Variants in RUFY2 observed in about 807,000 individuals in gnomAD.
RUFY2 encodes the protein RUN and FYVE domain-containing protein 2.
In RUFY2, 49 loss-of-function variants were observed where a neutral mutation model predicts 94.4. That is an observed-to-expected ratio of 0.52 (90% CI 0.41 to 0.66). The LOEUF (loss-of-function observed/expected upper bound fraction) is 0.66. RUFY2 is among the 30% of genes least tolerant of loss of function. RUFY2 has a pLI of 0.00. For synonymous variants in RUFY2, 255 were observed against 235.7 expected, an observed-to-expected ratio of 1.08 and a Z score of -0.75; for missense variants, 541 against 692.8, an observed-to-expected ratio of 0.78 and a Z score of 2.46.
chr10:68,402,838 T>C (rs2050953513), intron 2 of RUFY2, among the ~76,000 whole-genome samples: 2 of 140,566 alleles, frequency 1.4e-5, no homozygotes, highest in South Asian at 2.2e-4. Flanking sequence ...CCAAGCCATA[T>C]CTTTTTTTTT....
chr10:68,386,904 T>C (rs548014295), intron 7 of RUFY2, among the ~76,000 whole-genome samples: 5 of 152,180 alleles, frequency 3.3e-5, no homozygotes, highest in East Asian at 1.9e-4. Flanking sequence ...GTTTGAGAAA[T>C]ATGAAGATGA....
intron 2 of RUFY2, among the ~76,000 whole-genome samples, chr10:68,403,041 T>A (rs1344857363): frequency 6.6e-6 from 1 of 151,350 alleles, no homozygotes; most frequent in Non-Finnish European, 1.5e-5. Flanking sequence ...AGATGGGGTT[T>A]CACTATGCTG....
chr10:68,386,257 G>A, intron 7 of RUFY2, 129 bp from the exon 8 acceptor site: 1 of 584,606 alleles, frequency 1.7e-6, no homozygotes, highest in Non-Finnish European at 2.9e-6. Context: ...TTCTGAGTGT[G>A]GAAAATTTCA....
chr10:68,351,886 A>C (rs962859871), intron 16 of RUFY2, among the ~76,000 whole-genome samples: 5 of 151,426 alleles, frequency 3.3e-5, no homozygotes, highest in East Asian at 2.0e-4. Flanking sequence ...GTGAAACCCT[A>C]TCTCTACTAA....
At chr10:68,376,786 A>G (rs1228980238) in intron 13 of RUFY2, 67 bp downstream of exon 13, 2 of 1,445,490 alleles carry the variant, frequency 1.4e-6, no homozygotes, top group Non-Finnish European at 1.9e-6. Context: ...GTATTCTATC[A>G]TTATGTGCAA....
intron 1 of RUFY2, chr10:68,405,677 G>A: frequency 1.0e-6 from 1 of 978,578 alleles, no homozygotes; most frequent in Non-Finnish European, 1.2e-6. Flanking sequence ...CTGACAAGGG[G>A]ACACAGAAGA....
intron 11 of RUFY2, 50 bp from the exon 12 acceptor site, chr10:68,379,571 TTGTG>T (rs373005572): frequency 6.8e-5 from 82 of 1,207,564 alleles, no homozygotes; most frequent in South Asian, 4.4e-4. Flanking sequence ...GTGTGTGTGT[TTGTG>T]TGTGTGTGTG....
In RUFY2 at chr10:68,394,067, A is replaced by T. The variant is rs746488108; in HGVS notation, c.584+8T>A. ...CCCAATATGTGAAATAACTTATGAA[A>T]ATCATACCTTTCTTTATTTCCAATA... is the stretch of plus-strand genomic sequence containing the variant. On this transcript the variant is annotated splice_region_variant and intron_variant, in intron 6 of 17. Transcript: ENST00000602465. The T allele has an allele frequency of 6.7e-7, 1 of 1,502,364 alleles. No homozygotes were observed. 93.1% of individuals were successfully genotyped at this position (1,502,364 alleles called of 1,614,324 possible).
intron 13 of RUFY2, among the ~76,000 whole-genome samples, chr10:68,371,378 C>CA (rs1031365410): frequency 6.6e-6 from 1 of 151,628 alleles, no homozygotes; most frequent in African/African-American, 2.4e-5. Flanking sequence ...GCCAAGATCG[C>CA]ACCACTGCAC....
intron 1 of RUFY2, chr10:68,406,721 G>A (rs757350653): frequency 8.3e-5 from 130 of 1,571,660 alleles, no homozygotes; most frequent in Non-Finnish European, 1.0e-4. Flanking sequence ...CCAGAGGCCT[G>A]GGGGCCCCCC....
intron 7 of RUFY2, among the ~76,000 whole-genome samples, chr10:68,390,877 T>C (rs541631830): frequency 1.3e-5 from 2 of 151,982 alleles, no homozygotes; most frequent in Non-Finnish European, 2.9e-5. Flanking sequence ...AGAGATCTTC[T>C]TGCCTTAGCC....
chr10:68,374,399 CA>C (rs1040334394), intron 13 of RUFY2, among the ~76,000 whole-genome samples: 21 of 150,386 alleles, frequency 1.4e-4, no homozygotes, highest in Non-Finnish European at 2.7e-4. Flanking sequence ...AACTTCAGAG[CA>C]AAAAAAAATT....
intron 6 of RUFY2, 162 bp downstream of exon 6, chr10:68,393,913 A>G (rs1258265491): frequency 7.3e-7 from 1 of 1,374,216 alleles, no homozygotes; most frequent in Admixed American, 3.6e-5. Flanking sequence ...ATTTTCCATA[A>G]TCTGCTTTGT....
At chr10:68,394,248 A>G in intron 5 of RUFY2, 80 bp downstream of exon 5, 2 of 1,602,640 alleles carry the variant, frequency 1.2e-6, no homozygotes, top group Admixed American at 3.4e-5. Context: ...TCCTGTTTAC[A>G]ACTTCAAATG....
intron 15 of RUFY2, among the ~76,000 whole-genome samples, chr10:68,362,447 T>C (rs2047518601): frequency 6.6e-6 from 1 of 152,192 alleles, no homozygotes; most frequent in Non-Finnish European, 1.5e-5. Context: ...TCTGGCAATA[T>C]GTTCAATCAG....
rs2048719948 is a variant in RUFY2, at chr10:68,376,897, T to A, written c.1281A>T (p.Lys427Asn). The change falls in exon 13 of 18, where the codon AAA becomes AAT. Residue 427 changes from lysine to asparagine, a missense_variant. Coordinates refer to ENST00000602465, the MANE Select transcript of RUFY2 (RefSeq NM_001330103.2). ...AGATTTGTTTCTGCAGACTATCAGA[T>A]TTACTGAGACATTCTTGTAGATATT... ...DEKYLQECLSKSDSLQKQISQ... is the reference protein window; with the variant it reads ...DEKYLQECLSNSDSLQKQISQ... 3 of 1,613,730 alleles carry A rather than the reference T, an allele frequency of 1.9e-6. No individual in the cohort carries two copies. Among genetic ancestry groups the A allele is most frequent in the Middle Eastern group, 1.6e-4 (1 of 6,084 alleles).
At chr10:68,349,238 G>A (rs939181345) in intron 16 of RUFY2, among the ~76,000 whole-genome samples, 1 of 152,058 alleles carries the variant, frequency 6.6e-6, no homozygotes, top group Admixed American at 6.6e-5. Context: ...TAATGAGGCC[G>A]GGTACAGTGG....
intron 7 of RUFY2, 43 bp downstream of exon 7, chr10:68,393,095 T>G (rs1564841680): frequency 8.5e-7 from 1 of 1,177,946 alleles, no homozygotes; most frequent in Non-Finnish European, 1.2e-6. Flanking sequence ...AACAAAAACC[T>G]AAGACAATAT....
chr10:68,367,967 C>CT (rs748208331), intron 13 of RUFY2, among the ~76,000 whole-genome samples: 13,079 of 138,938 alleles, frequency 0.094, 861 homozygotes, highest in South Asian at 0.2. Context: ...TGTGGGTTGT[C>CT]TTTTTTTTTT....
Sources: gnomAD v4.1 joint callset for allele counts (sites outside exome capture counted in the v4.1 genomes callset) on GRCh38, gnomAD v4.1.1 for gene constraint, MANE v1.5 for transcripts, NCBI Gene and HGNC (gene_info 2026-07-23, HGNC 2026-07-21) for gene names.